The following EDA variants were observed in gnomAD, a reference collection of about 807,000 sequenced individuals.
The protein encoded by EDA is ectodysplasin A, also known as ectodysplasin-A.
In EDA, 2 loss-of-function variants were observed where a neutral mutation model predicts 23.6. That is an observed-to-expected ratio of 0.08 (90% CI 0.03 to 0.27). EDA has a LOEUF of 0.27. Among genes scored for constraint, EDA ranks in the 10% least tolerant of loss-of-function variants. The probability of loss-of-function intolerance (pLI) is 1.00; values close to 1 mark genes in which losing one functional copy is unlikely to be tolerated. For synonymous variants in EDA, 131 were observed against 132.0 expected, an observed-to-expected ratio of 0.99 and a Z score of 0.05; for missense variants, 229 against 324.2, an observed-to-expected ratio of 0.71 and a Z score of 2.26.
chrX:69,886,323 C>T (rs1027475040), intron 1 of EDA, among the ~76,000 whole-genome samples: 1 of 111,778 alleles, frequency 8.9e-6, no homozygotes, highest in African/African-American at 3.3e-5. Context: ...TTCTCAGTCC[C>T]ACTGTGGATC....
At chrX:69,735,862 C>T (rs2013234097) in intron 1 of EDA, among the ~76,000 whole-genome samples, 1 of 111,328 alleles carries the variant, frequency 9.0e-6, no homozygotes, top group South Asian at 3.8e-4. Context: ...AAGAGGATTG[C>T]CCCCACACAC....
At chrX:69,851,765 A>G (rs1316667924) in intron 1 of EDA, among the ~76,000 whole-genome samples, 2 of 112,061 alleles carry the variant, frequency 1.8e-5, no homozygotes, top group East Asian at 5.6e-4. Flanking sequence ...AGTCCAACAC[A>G]GTGATTCTCT....
At chrX:69,889,207 G>A (rs1356520581) in intron 1 of EDA, among the ~76,000 whole-genome samples, 1 of 105,491 alleles carries the variant, frequency 9.5e-6, no homozygotes, top group Non-Finnish European at 1.9e-5. Flanking sequence ...AAGTGCAGTG[G>A]TGCAATCATG....
At chrX:69,770,730 A>G (rs1412282347) in intron 1 of EDA, among the ~76,000 whole-genome samples, 1 of 58,799 alleles carries the variant, frequency 1.7e-5, no homozygotes, top group Non-Finnish European at 3.1e-5. Context: ...TAATTTGGAT[A>G]AAGTCCAACT....
intron 1 of EDA, among the ~76,000 whole-genome samples, chrX:69,797,149 G>T (rs933540017): frequency 4.5e-5 from 5 of 111,158 alleles, no homozygotes; most frequent in Non-Finnish European, 7.6e-5. Context: ...AAAAGGGTTA[G>T]AAAATGCATT....
At chrX:69,649,974 C>T (rs1218273822) in intron 1 of EDA, among the ~76,000 whole-genome samples, 1 of 111,995 alleles carries the variant, frequency 8.9e-6, no homozygotes, top group Non-Finnish European at 1.9e-5. Flanking sequence ...GTGGCTGCCA[C>T]ATCTTTATGG....
At chrX:70,030,427 A>T in intron 5 of EDA, 42 bp from the exon 6 acceptor site, 1 of 1,136,724 alleles carries the variant, frequency 8.8e-7, no homozygotes, top group Non-Finnish European at 1.2e-6. Context: ...GCAAGCAGCC[A>T]TTACTCATAG....
intron 1 of EDA, among the ~76,000 whole-genome samples, chrX:69,875,193 A>G (rs2147613049): frequency 8.9e-6 from 1 of 112,062 alleles, no homozygotes; most frequent in South Asian, 3.7e-4. Context: ...AGCAAAAAGA[A>G]CAAATCTGGA....
chrX:69,737,158 G>A (rs766561812), intron 1 of EDA, among the ~76,000 whole-genome samples: 1 of 111,602 alleles, frequency 9.0e-6, no homozygotes, highest in East Asian at 2.8e-4. Context: ...AGTCTCTTAT[G>A]GACAACATAT....
rs192476830 is a variant in EDA at position 69,695,702 on chromosome X, A to G, written c.396+78998A>G. Reference sequence around the variant, plus strand: ...TTTTTAGTAGAGATGGGGTTTTACTATGTTGGCCAGTCTGGTCTCGAACAC... The same window carrying G: ...TTTTTAGTAGAGATGGGGTTTTACTGTGTTGGCCAGTCTGGTCTCGAACAC... On this transcript the variant is annotated intron_variant, in intron 1 of 7. Coordinates refer to ENST00000374552, the MANE Select transcript of EDA (RefSeq NM_001399.5). 6.0e-3 allele frequency among the ~76,000 whole-genome samples: 649 copies of G among 107,336 alleles called. 8 individuals carry two copies. Among genetic ancestry groups the G allele is most frequent in the African/African-American group, 0.021 (622 of 29,655 alleles). The allele number at this position is 107,336 out of a possible 115,157, so 93.2% of individuals were successfully genotyped here.
At chrX:69,910,425 G>T (rs997197925) in intron 1 of EDA, among the ~76,000 whole-genome samples, 5 of 94,944 alleles carry the variant, frequency 5.3e-5, no homozygotes, top group Admixed American at 3.5e-4. Context: ...GTGTGTGTGT[G>T]TTTCAGTCTT....
At chrX:69,913,425 A>G (rs1356044332) in intron 1 of EDA, among the ~76,000 whole-genome samples, 1 of 112,276 alleles carries the variant, frequency 8.9e-6, no homozygotes, top group East Asian at 2.8e-4. Context: ...CGCAAGAACC[A>G]ACCTTTGCTA....
At position 70,030,446 on chromosome X, in the gene EDA, CTCTA is replaced by C. The variant is rs2020182440; in HGVS notation, c.742-20_742-17del. The C allele has an allele frequency of 4.9e-5, 58 of 1,191,932 alleles. No homozygotes were observed. Among genetic ancestry groups the C allele is most frequent in the Non-Finnish European group, 6.6e-5 (58 of 880,113 alleles). On this transcript the variant is annotated intron_variant, in intron 5 of 7. Coordinates refer to ENST00000374552, the MANE Select transcript of EDA (RefSeq NM_001399.5). ...GCAGCCATTACTCATAGTGACTACT[CTCTA>C]TCCTTCTCATCCTGCCAGCCAGCTG...
At chrX:69,917,030 G>T in intron 1 of EDA, among the ~76,000 whole-genome samples, 1 of 110,301 alleles carries the variant, frequency 9.1e-6, no homozygotes, top group South Asian at 3.9e-4. Flanking sequence ...CACCTCCCGG[G>T]TTCAAGCAAT....
intron 2 of EDA, among the ~76,000 whole-genome samples, chrX:69,965,335 G>A (rs1384273892): frequency 3.6e-5 from 4 of 111,808 alleles, no homozygotes; most frequent in Non-Finnish European, 7.5e-5. Context: ...TCATAAATGA[G>A]CTGGCCAAGA....
chrX:69,713,924 T>G lies in EDA; in HGVS notation c.396+97220T>G, dbSNP rs1329044427. Among the ~76,000 whole-genome samples, 7 of 14,435 alleles carry G rather than the reference T, an allele frequency of 4.8e-4. No individual in the cohort carries two copies. In the Admixed American group the frequency reaches 6.8e-3, roughly 14 times the overall value. 12.5% of individuals were successfully genotyped at this position (14,435 alleles called of 115,157 possible). On this transcript the variant is annotated intron_variant, in intron 1 of 7. Coordinates refer to ENST00000374552, the MANE Select transcript of EDA (RefSeq NM_001399.5). The stretch of plus-strand genomic sequence containing the variant: ...GGTCGTATTATAGTTGCATGTTTAG[T>G]TTTTTTTTTTTTTCCAAGAAACTGC...
intron 1 of EDA, among the ~76,000 whole-genome samples, chrX:69,875,240 G>T (rs1422320322): frequency 8.9e-6 from 1 of 111,833 alleles, no homozygotes; most frequent in Non-Finnish European, 1.9e-5. Flanking sequence ...ATACTATAAG[G>T]CTATAGTCAC....
chrX:69,877,624 G>A (rs2017667705), intron 1 of EDA, among the ~76,000 whole-genome samples: 1 of 110,989 alleles, frequency 9.0e-6, no homozygotes, highest in Non-Finnish European at 1.9e-5. Context: ...CTCAGTCTGT[G>A]AGTTGTCTTA....
chrX:69,793,737 C>T (rs1194951066), intron 1 of EDA, among the ~76,000 whole-genome samples: 1 of 110,002 alleles, frequency 9.1e-6, no homozygotes, highest in African/African-American at 3.3e-5. Flanking sequence ...ATCAAAACTA[C>T]CTATAAGCTG....
Sources: allele counts gnomAD v4.1 joint callset (sites outside exome capture counted in the v4.1 genomes callset), GRCh38; gene constraint gnomAD v4.1.1; transcripts MANE v1.5; gene names NCBI Gene and HGNC (gene_info 2026-07-23, HGNC 2026-07-21).